The following BMPR1B variants were observed in gnomAD, a reference collection of about 807,000 sequenced individuals.
BMPR1B encodes the protein bone morphogenetic protein receptor type-1B.
A neutral mutation model predicts 59.1 loss-of-function variants in BMPR1B; 12 were observed. The ratio of observed to expected loss-of-function variants is 0.20; its 90% CI spans 0.13 to 0.33. The LOEUF is 0.33. Among genes scored for constraint, BMPR1B ranks in the 10% least tolerant of loss-of-function variants. The pLI is 1.00. For missense variants in BMPR1B, 550 were observed against 610.9 expected (o/e 0.90, Z 1.05); for synonymous variants, 237 against 207.3 (o/e 1.14, Z -1.23).
chr4:94,951,270 C>T (rs990088529), intron 2 of BMPR1B, among the ~76,000 whole-genome samples: 3 of 152,168 alleles, frequency 2.0e-5, no homozygotes, highest in Non-Finnish European at 4.4e-5. Context: ...TTATTTCTTT[C>T]TCTTGCCTGA....
At chr4:94,851,050 G>C (rs937090637) in intron 1 of BMPR1B, among the ~76,000 whole-genome samples, 5 of 92,988 alleles carry the variant, frequency 5.4e-5, no homozygotes, top group African/African-American at 2.9e-4. Context: ...GGAATTCTCA[G>C]GTTTTTTTTT....
chr4:94,885,837 A>G (rs1299191546), intron 2 of BMPR1B, among the ~76,000 whole-genome samples: 1 of 152,144 alleles, frequency 6.6e-6, no homozygotes, highest in Non-Finnish European at 1.5e-5. Flanking sequence ...CCAGAAAAAT[A>G]CTGGATCTGA....
chr4:94,833,251 T>A (rs935844396), intron 1 of BMPR1B, among the ~76,000 whole-genome samples: 5 of 151,628 alleles, frequency 3.3e-5, no homozygotes, highest in Non-Finnish European at 5.9e-5. Context: ...GGGTTGTTAG[T>A]ATTAAAAAGA....
intron 3 of BMPR1B, among the ~76,000 whole-genome samples, chr4:95,051,357 C>T (rs762613012): frequency 1.8e-4 from 27 of 152,282 alleles, no homozygotes; most frequent in African/African-American, 5.3e-4. Flanking sequence ...CATAGCTGCC[C>T]GAGAGATTTG....
At chr4:95,035,148 G>A (rs1821451) in intron 3 of BMPR1B, among the ~76,000 whole-genome samples, 145,233 of 152,206 alleles carry the variant, frequency 0.95, 69,325 homozygotes, top group Middle Eastern at 0.99. Context: ...TTTCTTGCTG[G>A]TTCGAGTTTC....
intron 3 of BMPR1B, chr4:95,051,820 G>A (rs770849285): frequency 5.0e-5 from 75 of 1,514,846 alleles, no homozygotes; most frequent in Admixed American, 9.9e-5. Context: ...GGCTGAGTTA[G>A]AGTCTGATTT....
chr4:94,949,012 T>A (rs894677804), intron 2 of BMPR1B, among the ~76,000 whole-genome samples: 3 of 152,194 alleles, frequency 2.0e-5, no homozygotes, highest in African/African-American at 7.2e-5. Flanking sequence ...CTGGGATACA[T>A]GTGCAGAACA....
chr4:94,970,291 CTTCTCTTCTCTTCTT>C (rs1560573122), intron 2 of BMPR1B, among the ~76,000 whole-genome samples: 6 of 53,300 alleles, frequency 1.1e-4, no homozygotes, highest in Admixed American at 2.0e-4. Flanking sequence ...CTTCTCTTCT[CTTCTCTTCTCTTCTT>C]TCTCTCTCTC....
intron 6 of BMPR1B, among the ~76,000 whole-genome samples, chr4:95,116,415 G>GCACACA (rs1491178901): frequency 0.016 from 1,081 of 67,796 alleles, 19 homozygotes; most frequent in African/African-American, 0.083. Flanking sequence ...CATGCTTTCA[G>GCACACA]CGCGCGCACA....
chr4:94,937,111 G>A (rs1007401269), intron 2 of BMPR1B, among the ~76,000 whole-genome samples: 2 of 152,094 alleles, frequency 1.3e-5, no homozygotes, highest in Non-Finnish European at 2.9e-5. Context: ...TGTACTTACA[G>A]CCTATGCATT....
chr4:95,028,771 C>T (rs576837302), intron 3 of BMPR1B, among the ~76,000 whole-genome samples: 3 of 151,794 alleles, frequency 2.0e-5, no homozygotes, highest in Non-Finnish European at 2.9e-5. Context: ...AGAAATCTAC[C>T]GTTTCTAATG....
chr4:94,893,107 A>G (rs543176646), intron 2 of BMPR1B, among the ~76,000 whole-genome samples: 60 of 152,204 alleles, frequency 3.9e-4, no homozygotes, highest in African/African-American at 1.3e-3. Context: ...TTGTATTAGC[A>G]AAAGGAAAAT....
Position 94,849,793 on chromosome 4 carries a change from GGTGT to G in BMPR1B, c.-182-26013_-182-26010del, listed in dbSNP as rs1553912364. Among the ~76,000 whole-genome samples the G allele has an allele frequency of 6.4e-3, 171 of 26,926 alleles. 1 individual carries two copies. The highest frequency in any genetic ancestry group is 8.9e-3 in the Non-Finnish European group (123 of 13,768). The allele number at this position is 26,926 out of a possible 152,430, so 17.7% of individuals were successfully genotyped here. On this transcript the variant is annotated intron_variant, in intron 1 of 12. Coordinates refer to ENST00000515059, the MANE Select transcript of BMPR1B (RefSeq NM_001203.3). ...CATAATAAGGTAGGAGGGGTTTTTT[GGTGT>G]GTGTGTGTGTGTGTGTGTGTGTGTT...
At chr4:94,762,160 C>T (rs1721798429) in intron 1 of BMPR1B, among the ~76,000 whole-genome samples, 1 of 152,184 alleles carries the variant, frequency 6.6e-6, no homozygotes, top group Non-Finnish European at 1.5e-5. Flanking sequence ...ATTCTAATTA[C>T]ATTCATTTTT....
At chr4:95,141,453 C>T (rs1206558508) in intron 10 of BMPR1B, among the ~76,000 whole-genome samples, 3 of 152,116 alleles carry the variant, frequency 2.0e-5, no homozygotes, top group African/African-American at 4.8e-5. Context: ...CCAGGGAAGT[C>T]GAGAGCCACA....
chr4:94,974,312 G>C (rs1308848376), intron 2 of BMPR1B, among the ~76,000 whole-genome samples: 2 of 151,898 alleles, frequency 1.3e-5, no homozygotes, highest in Non-Finnish European at 2.9e-5. Context: ...TATTTAATTT[G>C]ACTTATAACA....
At chr4:94,767,269 A>G (rs1479911172) in intron 1 of BMPR1B, among the ~76,000 whole-genome samples, 1 of 152,216 alleles carries the variant, frequency 6.6e-6, no homozygotes, top group East Asian at 1.9e-4. Context: ...ATCTTTTCCC[A>G]CCATTGCATG....
intron 10 of BMPR1B, among the ~76,000 whole-genome samples, chr4:95,133,505 A>G (rs1733535076): frequency 6.6e-6 from 1 of 151,968 alleles, no homozygotes; most frequent in African/African-American, 2.4e-5. Flanking sequence ...TTACCCGAAC[A>G]CCCATATCCC....
chr4:94,935,680 A>T (rs990651011), intron 2 of BMPR1B, among the ~76,000 whole-genome samples: 1 of 152,242 alleles, frequency 6.6e-6, no homozygotes, highest in Non-Finnish European at 1.5e-5. Flanking sequence ...TGAGAACTAA[A>T]TGGTGATATG....
Sources: gnomAD v4.1 joint callset for allele counts (sites outside exome capture counted in the v4.1 genomes callset) on GRCh38, gnomAD v4.1.1 for gene constraint, MANE v1.5 for transcripts, NCBI Gene and HGNC (gene_info 2026-07-23, HGNC 2026-07-21) for gene names.